Variants in ABHD18 observed in about 807,000 individuals in gnomAD.
The protein encoded by ABHD18 is cardiolipin-specific deacylase, mitochondrial.
A neutral mutation model predicts 65.9 loss-of-function variants in ABHD18; 55 were observed. The ratio of observed to expected loss-of-function variants is 0.84; its 90% CI spans 0.67 to 1.05. The LOEUF is 1.05. ABHD18 is among the 50% of genes least tolerant of loss of function. The pLI, the probability that ABHD18 is intolerant of heterozygous loss-of-function variation, is 0.00. For synonymous variants in ABHD18, 181 were observed against 180.2 expected (o/e 1.00, Z -0.04); for missense variants, 533 against 558.5 (o/e 0.95, Z 0.46).
At chr4:128,026,786 T>C (rs922247742) in intron 10 of ABHD18, among the ~76,000 whole-genome samples, 1 of 151,842 alleles carries the variant, frequency 6.6e-6, no homozygotes, top group Non-Finnish European at 1.5e-5. Context: ...ATCTTTTCTT[T>C]TTCTTTTTTT....
rs143601008 is a variant in ABHD18, at chr4:127,990,965, G to A, written c.278+1144G>A. ...TGTATGCTGTGCCTTTCAGGTTCAA[G>A]CGATTCTCATGTCTCAGCCGCCTGA... On this transcript the variant is annotated intron_variant, in intron 4 of 12. Coordinates refer to ENST00000645843, the MANE Select transcript of ABHD18 (RefSeq NM_001358451.3). Among the ~76,000 whole-genome samples the A allele has an allele frequency of 2.4e-3, 367 of 152,176 alleles. 1 individual carries two copies. The highest frequency in any genetic ancestry group is 5.3e-3 in the Admixed American group (81 of 15,292).
intron 4 of ABHD18, among the ~76,000 whole-genome samples, chr4:128,005,784 G>T (rs866427930): frequency 5.3e-5 from 8 of 152,098 alleles, no homozygotes; most frequent in African/African-American, 1.9e-4. Flanking sequence ...TTTTAGAAGC[G>T]GGAAATGGGA....
chr4:127,971,254 C>CA (rs1295767524), intron 1 of ABHD18, among the ~76,000 whole-genome samples: 9,127 of 74,356 alleles, frequency 0.12, 466 homozygotes, highest in African/African-American at 0.21. Context: ...GACCCTGTCT[C>CA]AAAAAAAAAA....
intron 4 of ABHD18, among the ~76,000 whole-genome samples, chr4:127,993,894 G>C (rs1377444581): frequency 1.3e-5 from 2 of 152,204 alleles, no homozygotes; most frequent in African/African-American, 4.8e-5. Flanking sequence ...TGGAATTTCT[G>C]GATTTATAAG....
At chr4:128,006,373 G>A (rs956039637) in intron 4 of ABHD18, among the ~76,000 whole-genome samples, 1 of 152,114 alleles carries the variant, frequency 6.6e-6, no homozygotes, top group Non-Finnish European at 1.5e-5. Context: ...TGCTGAGAAC[G>A]CAAAATGAAG....
In ABHD18 at chr4:128,039,664, C is replaced by T. The variant is rs1759185770; in HGVS notation, c.*3851C>T. ...GTAATTGAAATTTTAAAAATCATTT[C>T]CAAATCTTTTATTATATTTCACAGT... is the stretch of plus-strand genomic sequence containing the variant. On this transcript the variant is annotated 3_prime_UTR_variant, in exon 13 of 13. Coordinates refer to ENST00000645843, the MANE Select transcript of ABHD18 (RefSeq NM_001358451.3). 6.6e-6 allele frequency: 1 copy of T among 151,822 alleles called. No homozygotes were observed. The allele number at this position is 151,822 out of a possible 1,614,324, so 9.4% of individuals were successfully genotyped here.
At position 128,020,003 on chromosome 4, in the gene ABHD18, A is replaced by C. The variant is rs1407727737; in HGVS notation, c.610-77A>C. On this transcript the variant is annotated intron_variant, in intron 8 of 12. Transcript: ENST00000645843. Reference sequence around the variant, plus strand: ...TCTGACCAACTATTTACTGCACGGAATGCTTATTAATATTAAATATTTTTA... The same window carrying C: ...TCTGACCAACTATTTACTGCACGGACTGCTTATTAATATTAAATATTTTTA... The C allele has an allele frequency of 3.3e-6, 3 of 920,274 alleles. No individual in the cohort carries two copies. The African/African-American group carries it at 5.0e-5, about 15-fold the overall frequency. 57.0% of individuals were successfully genotyped at this position (920,274 alleles called of 1,614,324 possible). A position where few individuals can be genotyped will look rare whatever the true frequency, so the allele number is the denominator to read the frequency against.
intron 12 of ABHD18, among the ~76,000 whole-genome samples, chr4:128,034,596 AAAAAG>A (rs897850986): frequency 6.6e-6 from 1 of 152,090 alleles, no homozygotes; most frequent in African/African-American, 2.4e-5. Flanking sequence ...AAAAAAAAGA[AAAAAG>A]AAAAGAAAAA....
chr4:128,033,737 C>T (rs2149200812), intron 12 of ABHD18, among the ~76,000 whole-genome samples: 1 of 151,472 alleles, frequency 6.6e-6, no homozygotes, highest in East Asian at 2.0e-4. Context: ...GGGGTTTCAC[C>T]ATGTTAGCCA....
rs551066236 is a variant in ABHD18 at position 128,030,700 on chromosome 4, C to A, written c.1343+28C>A. 7 of 1,522,716 alleles carry A rather than the reference C, an allele frequency of 4.6e-6. No homozygotes were observed. The African/African-American group carries it at 8.7e-5, about 19-fold the overall frequency. 94.3% of individuals were successfully genotyped at this position (1,522,716 alleles called of 1,614,324 possible). ...AAGACGGCTGGTCTAAACATGTATTCGTTCATTTGTTGTTTGTTTTCTGGA... is the reference window on the plus strand; with the variant it reads ...AAGACGGCTGGTCTAAACATGTATTAGTTCATTTGTTGTTTGTTTTCTGGA... On this transcript the variant is annotated intron_variant, in intron 12 of 12. Transcript: ENST00000645843.
At chr4:128,015,405 T>C (rs1463007041) in intron 7 of ABHD18, among the ~76,000 whole-genome samples, 2 of 152,192 alleles carry the variant, frequency 1.3e-5, no homozygotes, top group South Asian at 2.1e-4. Flanking sequence ...CAGAATTTCA[T>C]ATCAGTAACT....
chr4:128,028,751 C>G lies in ABHD18; in HGVS notation c.1078C>G (p.His360Asp). 1 of 1,613,826 alleles carries G rather than the reference C, an allele frequency of 6.2e-7. No individual in the cohort carries two copies. Among genetic ancestry groups the G allele is most frequent in the African/African-American group, 1.3e-5 (1 of 75,026 alleles). ...GYTSRNPQSY[H>D]LLSKEQSRNS... The stretch of plus-strand genomic sequence containing the variant: ...TACAAGTCGCAACCCTCAGTCATAC[C>G]ACCTACTTAGTAAAGAACAAAGCAG... Residue 360 changes from histidine to aspartate, a missense_variant, in exon 11 of 13, where the codon CAC (histidine) becomes GAC (aspartate). Physicochemically the swap from His to Asp is moderately conservative, Grantham distance 81. Transcript: ENST00000645843.
intron 1 of ABHD18, among the ~76,000 whole-genome samples, chr4:127,981,173 G>T (rs774087979): frequency 6.6e-6 from 1 of 152,110 alleles, no homozygotes; most frequent in South Asian, 2.1e-4. Flanking sequence ...TTTGACTTAC[G>T]ATTGTTTCAA....
chr4:128,010,822 G>A (rs1277355322), intron 6 of ABHD18, among the ~76,000 whole-genome samples: 1 of 151,350 alleles, frequency 6.6e-6, no homozygotes, highest in Non-Finnish European at 1.5e-5. Context: ...GGCTGAGGCA[G>A]GAGAATCCCT....
chr4:127,980,701 T>G (rs1047731062), intron 1 of ABHD18, among the ~76,000 whole-genome samples: 1 of 151,820 alleles, frequency 6.6e-6, no homozygotes, highest in African/African-American at 2.4e-5. Context: ...GGTGGGTGCC[T>G]GTAGTCCCAG....
intron 1 of ABHD18, among the ~76,000 whole-genome samples, chr4:127,967,167 A>G (rs573040921): frequency 2.6e-5 from 4 of 151,888 alleles, no homozygotes; most frequent in Non-Finnish European, 2.9e-5. Context: ...CCAGTATAGC[A>G]GTAAGCAGAA....
intron 7 of ABHD18, among the ~76,000 whole-genome samples, chr4:128,015,161 C>G (rs1354631504): frequency 6.6e-6 from 1 of 152,020 alleles, no homozygotes; most frequent in Non-Finnish European, 1.5e-5. Flanking sequence ...GGGAGAATCA[C>G]CTGAGCCTGG....
chr4:128,026,390 G>A (rs996971560), intron 10 of ABHD18, among the ~76,000 whole-genome samples: 1 of 151,700 alleles, frequency 6.6e-6, no homozygotes, highest in Non-Finnish European at 1.5e-5. Context: ...ACCCAAAAGG[G>A]TGAAGTTGCA....
intron 11 of ABHD18, among the ~76,000 whole-genome samples, chr4:128,029,843 C>T (rs1411506062): frequency 6.6e-6 from 1 of 151,678 alleles, no homozygotes; most frequent in Admixed American, 6.6e-5. Context: ...AATAAATTAG[C>T]TGGGTGTGGT....
Sources: gnomAD v4.1 joint callset for allele counts (sites outside exome capture counted in the v4.1 genomes callset) on GRCh38, gnomAD v4.1.1 for gene constraint, MANE v1.5 for transcripts, NCBI Gene and HGNC (gene_info 2026-07-23, HGNC 2026-07-21) for gene names.